SLC66A3: variants seen among roughly 807,000 people sequenced by gnomAD.
The protein encoded by SLC66A3 is PQ loop repeat containing 3.
A neutral mutation model predicts 25.5 loss-of-function variants in SLC66A3; 23 were observed. The observed-to-expected ratio is 0.90, with a 90% CI of 0.65 to 1.28. The LOEUF (loss-of-function observed/expected upper bound fraction) is 1.28, where lower values mean the gene tolerates loss of function less well. SLC66A3 is among the 50% of genes most tolerant of loss of function. The probability of loss-of-function intolerance (pLI) is 0.00; values close to 1 mark genes in which losing one functional copy is unlikely to be tolerated. For missense variants in SLC66A3, 246 were observed against 262.1 expected (o/e 0.94, Z 0.42); for synonymous variants, 108 against 112.6 (o/e 0.96, Z 0.26).
At chr2:11,166,819 C>T (rs542086605) in intron 4 of SLC66A3, among the ~76,000 whole-genome samples, 4 of 152,276 alleles carry the variant, frequency 2.6e-5, no homozygotes, top group African/African-American at 7.2e-5. Flanking sequence ...CGCTTCAACC[C>T]CGGAGGCGGA....
At chr2:11,161,600 C>T (rs912224205) in intron 3 of SLC66A3, among the ~76,000 whole-genome samples, 2 of 152,054 alleles carry the variant, frequency 1.3e-5, no homozygotes, top group African/African-American at 2.4e-5. Context: ...CTCACTGCAG[C>T]CTTGAACTTC....
intron 1 of SLC66A3, among the ~76,000 whole-genome samples, chr2:11,157,072 A>G (rs918480613): frequency 1.5e-4 from 23 of 152,314 alleles, no homozygotes; most frequent in African/African-American, 5.3e-4. Context: ...TGTAGAGTCT[A>G]TAGATTCCCT....
Position 11,160,689 on chromosome 2 carries a change from C to T in SLC66A3, c.291C>T (p.Ile97=), listed in dbSNP as rs772057543. ...ACGTGAAGCAGGCCACTCCTTACATCGCTGTGTATCCTTTCTGAATCTGAG... is the reference window on the plus strand; with the variant it reads ...ACGTGAAGCAGGCCACTCCTTACATTGCTGTGTATCCTTTCTGAATCTGAG... The part of the protein sequence containing the change: ...NGNVKQATPY[I]AVLVSSWFIL... Residue 97 remains isoleucine, a synonymous_variant, in exon 3 of 7, where the codon ATC becomes ATT. Coordinates refer to ENST00000295083, the MANE Select transcript of SLC66A3 (RefSeq NM_152391.5). The T allele has an allele frequency of 5.6e-6, 9 of 1,613,826 alleles. No individual in the cohort carries two copies. Among genetic ancestry groups the T allele is most frequent in the Middle Eastern group, 1.6e-4 (1 of 6,062 alleles).
In SLC66A3 at chr2:11,173,063, A is replaced by C. The variant is rs10205022; in HGVS notation, c.475+1018A>C. Among the ~76,000 whole-genome samples, 1,283 of 152,156 alleles carry C rather than the reference A, an allele frequency of 8.4e-3. 18 individuals carry two copies. The highest frequency in any genetic ancestry group is 0.029 in the African/African-American group (1,220 of 41,530). ...TTTTTAGTAGAGACGAGTTTTCACC[A>C]TGTTGGCCAGGCTGGTTTTGAACTC... is the stretch of plus-strand genomic sequence containing the variant. On this transcript the variant is annotated intron_variant, in intron 5 of 6. Transcript: ENST00000295083.
intron 5 of SLC66A3, 98 bp downstream of exon 5, chr2:11,172,143 G>C: frequency 1.7e-6 from 2 of 1,184,514 alleles, no homozygotes; most frequent in South Asian, 2.9e-5. Flanking sequence ...GGTCCCTGGC[G>C]CTTTACTACT....
chr2:11,156,926 G>A (rs1661925551), intron 1 of SLC66A3, among the ~76,000 whole-genome samples: 1 of 152,156 alleles, frequency 6.6e-6, no homozygotes, highest in Non-Finnish European at 1.5e-5. Context: ...GCTGGAAGTG[G>A]CTGTGGTGAC....
intron 6 of SLC66A3, 100 bp downstream of exon 6, chr2:11,175,109 G>T: frequency 1.2e-6 from 1 of 855,720 alleles, no homozygotes; most frequent in African/African-American, 1.7e-5. Context: ...ACTTGGCTCT[G>T]TTGGATTATA....
At chr2:11,171,576 C>CT (rs200627319) in intron 4 of SLC66A3, among the ~76,000 whole-genome samples, 3,753 of 149,856 alleles carry the variant, frequency 0.025, 67 homozygotes, top group East Asian at 0.055. Context: ...TGCTCTTTTG[C>CT]TTTTTTTTTG....
intron 6 of SLC66A3, among the ~76,000 whole-genome samples, chr2:11,176,246 C>T (rs1388265343): frequency 6.6e-6 from 1 of 152,222 alleles, no homozygotes; most frequent in African/African-American, 2.4e-5. Context: ...GATGGATTCT[C>T]ACTCTGTCGC....
intron 5 of SLC66A3, among the ~76,000 whole-genome samples, chr2:11,172,256 G>GAA (rs35160592): frequency 1.1e-4 from 16 of 149,474 alleles, no homozygotes; most frequent in Admixed American, 1.3e-4. Context: ...AAGTTGCCAA[G>GAA]AAAAAAAAAA....
chr2:11,169,433 G>A (rs145109419), intron 4 of SLC66A3, among the ~76,000 whole-genome samples: 3 of 152,198 alleles, frequency 2.0e-5, no homozygotes, highest in Non-Finnish European at 2.9e-5. Context: ...TTTCATTCGC[G>A]CCAGAGCCTG....
chr2:11,159,815 C>T (rs913629120), intron 1 of SLC66A3, among the ~76,000 whole-genome samples: 2 of 152,156 alleles, frequency 1.3e-5, no homozygotes, highest in African/African-American at 4.8e-5. Flanking sequence ...GGAAGCTCTG[C>T]CTTTTCTTCT....
At chr2:11,170,514 G>A (rs997306076) in intron 4 of SLC66A3, among the ~76,000 whole-genome samples, 6 of 130,138 alleles carry the variant, frequency 4.6e-5, no homozygotes, top group Admixed American at 8.0e-5. Context: ...CTGAGGTGCC[G>A]CGGCTTGCTG....
rs1057322230 is a variant in SLC66A3, at chr2:11,157,130, G to A, written c.143+1441G>A. On this transcript the variant is annotated intron_variant, in intron 1 of 6. Coordinates refer to ENST00000295083, the MANE Select transcript of SLC66A3 (RefSeq NM_152391.5). Reference sequence around the variant, plus strand: ...GCATTTCCACCACTTTTGCAGCATTGCTTGAAAAATGCAAACCCTCAGAGA... The same window carrying A: ...GCATTTCCACCACTTTTGCAGCATTACTTGAAAAATGCAAACCCTCAGAGA... Among the ~76,000 whole-genome samples the A allele has an allele frequency of 2.0e-5, 3 of 152,200 alleles. No individual in the cohort carries two copies. In the South Asian group the frequency reaches 6.2e-4, roughly 31 times the overall value.
At chr2:11,177,568 C>A (rs1662805059) in intron 6 of SLC66A3, among the ~76,000 whole-genome samples, 169 bp from the exon 7 acceptor site, 1 of 152,254 alleles carries the variant, frequency 6.6e-6, no homozygotes, top group East Asian at 1.9e-4. Flanking sequence ...GGCCAAGGGG[C>A]CAAAAATTGT....
At chr2:11,174,147 A>AGGGTCTCACCATGTTGGTCAGGC (rs1355410149) in intron 5 of SLC66A3, among the ~76,000 whole-genome samples, 1 of 152,092 alleles carries the variant, frequency 6.6e-6, no homozygotes, top group African/African-American at 2.4e-5. Context: ...TAATAGAGAC[A>AGGGTCTCACCATGTTGGTCAGGC]GGGTCTCACC....
intron 3 of SLC66A3, among the ~76,000 whole-genome samples, chr2:11,163,351 T>G (rs989042775): frequency 6.6e-6 from 1 of 152,086 alleles, no homozygotes; most frequent in African/African-American, 2.4e-5. Flanking sequence ...AAAATTAGAT[T>G]TAAAAATTGA....
Position 11,172,151 on chromosome 2 carries a change from A to G in SLC66A3, c.475+106A>G, listed in dbSNP as rs1190138469. The G allele has an allele frequency of 2.7e-6, 3 of 1,100,800 alleles. No individual in the cohort carries two copies. The African/African-American group carries it at 4.7e-5, about 17-fold the overall frequency. 68.2% of individuals were successfully genotyped at this position (1,100,800 alleles called of 1,614,324 possible). A position where few individuals can be genotyped will look rare whatever the true frequency, so the allele number is the denominator to read the frequency against. ...GTAACATGGTCCCTGGCGCTTTACT[A>G]CTTTACAAATGGCTACTCAGCTAGA... On this transcript the variant is annotated intron_variant, in intron 5 of 6. Coordinates refer to ENST00000295083, the MANE Select transcript of SLC66A3 (RefSeq NM_152391.5).
chr2:11,164,173 C>T (rs1662221968), intron 3 of SLC66A3, 31 bp from the exon 4 acceptor site: 1 of 1,457,226 alleles, frequency 6.9e-7, no homozygotes, highest in Non-Finnish European at 9.5e-7. Flanking sequence ...ATGTGGGTGA[C>T]CCACTGCTGT....
Sources: gnomAD v4.1 joint callset for allele counts (sites outside exome capture counted in the v4.1 genomes callset) on GRCh38, gnomAD v4.1.1 for gene constraint, MANE v1.5 for transcripts, NCBI Gene and HGNC (gene_info 2026-07-23, HGNC 2026-07-21) for gene names.